ATF3: variants seen among roughly 807,000 people sequenced by gnomAD.
ATF3 encodes activating transcription factor 3.
A neutral mutation model predicts 18.4 loss-of-function variants in ATF3; 10 were observed. The ratio of observed to expected loss-of-function variants is 0.54; its 90% CI spans 0.34 to 0.92. ATF3 has a LOEUF of 0.92. Ranked by LOEUF, ATF3 falls within the 40% of genes least tolerant of loss-of-function variation. The pLI, the probability that ATF3 is intolerant of heterozygous loss-of-function variation, is 0.02. For missense variants in ATF3, 183 were observed against 222.3 expected (o/e 0.82, Z 1.12); for synonymous variants, 78 against 87.9 (o/e 0.89, Z 0.63).
chr1:212,597,492 A>G (rs753973915), intron 1 of ATF3, among the ~76,000 whole-genome samples: 6 of 151,916 alleles, frequency 3.9e-5, no homozygotes, highest in African/African-American at 9.7e-5. Flanking sequence ...CCATTCATCT[A>G]TCTAGCAATC....
intron 1 of ATF3, among the ~76,000 whole-genome samples, chr1:212,574,823 A>G (rs1664545260): frequency 6.6e-6 from 1 of 152,042 alleles, no homozygotes; most frequent in African/African-American, 2.4e-5. Context: ...TAGGTTATTT[A>G]TGGGCTTTTG....
intron 1 of ATF3, among the ~76,000 whole-genome samples, chr1:212,596,078 G>A (rs141629691): frequency 0.024 from 3,595 of 152,218 alleles, 83 homozygotes; most frequent in Non-Finnish European, 0.039. Context: ...AGTGGAGTGG[G>A]AACAAAATAT....
chr1:212,612,776 A>G (rs900885439), intron 1 of ATF3, among the ~76,000 whole-genome samples: 1 of 151,868 alleles, frequency 6.6e-6, no homozygotes, highest in Non-Finnish European at 1.5e-5. Flanking sequence ...CTCCAGGGGG[A>G]GTTTGAAGTC....
At chr1:212,595,836 C>T (rs1197790602) in intron 1 of ATF3, among the ~76,000 whole-genome samples, 2 of 152,336 alleles carry the variant, frequency 1.3e-5, no homozygotes, top group East Asian at 3.9e-4. Context: ...AATTACATGG[C>T]TAGTCCTAGA....
intron 1 of ATF3, among the ~76,000 whole-genome samples, chr1:212,587,990 G>T (rs1383188574): frequency 6.6e-6 from 1 of 152,098 alleles, no homozygotes; most frequent in Non-Finnish European, 1.5e-5. Context: ...GTAGACCCCT[G>T]TGAGACTCAG....
exon 1 of ATF3, chr1:212,565,469 A>G (rs962567101): frequency 2.0e-5 from 3 of 152,194 alleles, no homozygotes; most frequent in African/African-American, 7.2e-5. Flanking sequence ...GATTTTCAGC[A>G]CCTTGCCCCA....
At chr1:212,589,241 C>T (rs1452923693) in intron 1 of ATF3, among the ~76,000 whole-genome samples, 1 of 152,140 alleles carries the variant, frequency 6.6e-6, no homozygotes, top group Non-Finnish European at 1.5e-5. Flanking sequence ...TAAAATCAAC[C>T]TACCCACAAA....
chr1:212,588,208 G>A (rs980332656), intron 1 of ATF3, among the ~76,000 whole-genome samples: 5 of 152,142 alleles, frequency 3.3e-5, no homozygotes, highest in South Asian at 2.1e-4. Flanking sequence ...GGAGACTCCC[G>A]GCAGGGTGTG....
chr1:212,580,655 T>G (rs1343264404), intron 1 of ATF3, among the ~76,000 whole-genome samples: 2 of 152,240 alleles, frequency 1.3e-5, no homozygotes, highest in African/African-American at 4.8e-5. Context: ...CTGTGTTCAC[T>G]ACTGAGGACA....
chr1:212,571,669 C>G (rs2102620088), intron 1 of ATF3, among the ~76,000 whole-genome samples: 1 of 151,018 alleles, frequency 6.6e-6, no homozygotes, highest in East Asian at 2.0e-4. Flanking sequence ...CTTGGCCTCC[C>G]AAAGTGCTGG....
intron 2 of ATF3, among the ~76,000 whole-genome samples, chr1:212,616,416 T>C (rs1655129093): frequency 6.6e-6 from 1 of 152,028 alleles, no homozygotes; most frequent in Admixed American, 6.6e-5. Flanking sequence ...CATGCCTCAG[T>C]CTTCCAAATA....
At chr1:212,593,207 G>A (rs12144852) in intron 1 of ATF3, among the ~76,000 whole-genome samples, 61,573 of 149,928 alleles carry the variant, frequency 0.41, 13,966 homozygotes, top group Non-Finnish European at 0.5. Flanking sequence ...ACCAAACACC[G>A]CATGTTCTCA....
In ATF3 at chr1:212,579,882, C is replaced by T. The variant is rs145444350; in HGVS notation, c.-5+14399C>T. 3.3e-3 allele frequency among the ~76,000 whole-genome samples: 505 copies of T among 152,044 alleles called. 2 individuals carry two copies. Among genetic ancestry groups the T allele is most frequent in the African/African-American group, 0.012 (483 of 41,446 alleles). On this transcript the variant is annotated intron_variant, in intron 1 of 3. Transcript: ENST00000366981. ...TTTGTAGACTGGGCACAGTGGCTCA[C>T]GCCTGTAATTCCAGCACTTTGGGAG...
intron 1 of ATF3, among the ~76,000 whole-genome samples, chr1:212,609,835 T>C (rs1324005711): frequency 1.3e-5 from 2 of 152,226 alleles, no homozygotes; most frequent in Non-Finnish European, 2.9e-5. Context: ...ATCGATGTCG[T>C]TGGGCCTCAG....
Position 212,582,329 on chromosome 1 carries a change from T to G in ATF3, c.-5+16846T>G, listed in dbSNP as rs151171415. Among the ~76,000 whole-genome samples, 789 of 152,326 alleles carry G rather than the reference T, an allele frequency of 5.2e-3. 7 individuals carry two copies. The highest frequency in any genetic ancestry group is 0.018 in the African/African-American group (750 of 41,576). On this transcript the variant is annotated intron_variant, in intron 1 of 3. Transcript: ENST00000366981. ...TGTAAATTCTGTATTGGTGAGCTCG[T>G]ATTAATGCATTTTCTTTTGCACATC...
At chr1:212,582,802 C>T (rs1378115287) in intron 1 of ATF3, among the ~76,000 whole-genome samples, 1 of 152,186 alleles carries the variant, frequency 6.6e-6, no homozygotes, top group African/African-American at 2.4e-5. Flanking sequence ...GCCAACTTGA[C>T]TGAGCTCTTG....
intron 1 of ATF3, among the ~76,000 whole-genome samples, chr1:212,576,871 G>A (rs1198316678): frequency 6.6e-6 from 1 of 150,970 alleles, no homozygotes; most frequent in African/African-American, 2.4e-5. Context: ...GGGATTACAG[G>A]CACGTGCCAT....
upstream of ATF3, among the ~76,000 whole-genome samples, chr1:212,607,221 C>T (rs1654659321): frequency 6.6e-6 from 1 of 152,192 alleles, no homozygotes; most frequent in Non-Finnish European, 1.5e-5. Context: ...GCTCCAGACA[C>T]CTCTAGTTTC....
intron 1 of ATF3, among the ~76,000 whole-genome samples, chr1:212,593,419 A>G (rs527424786): frequency 6.6e-6 from 1 of 151,056 alleles, no homozygotes; most frequent in Admixed American, 6.6e-5. Flanking sequence ...GTGCACATGT[A>G]CCCTAAAACT....
Sources: allele counts gnomAD v4.1 joint callset (sites outside exome capture counted in the v4.1 genomes callset), GRCh38; gene constraint gnomAD v4.1.1; transcripts MANE v1.5; gene names NCBI Gene and HGNC (gene_info 2026-07-23, HGNC 2026-07-21).